DPP6: variants seen among roughly 807,000 people sequenced by gnomAD.
The protein encoded by DPP6 is A-type potassium channel modulatory protein DPP6.
In DPP6, 69 loss-of-function variants were observed where a neutral mutation model predicts 122.6. That is an observed-to-expected ratio of 0.56 (90% confidence interval 0.46 to 0.69). The LOEUF (loss-of-function observed/expected upper bound fraction) is 0.69, where lower values mean the gene tolerates loss of function less well. Ranked by LOEUF, DPP6 falls within the 30% of genes least tolerant of loss-of-function variation. The pLI, the probability that DPP6 is intolerant of heterozygous loss-of-function variation, is 0.00. For synonymous variants in DPP6, 418 were observed against 433.1 expected, an observed-to-expected ratio of 0.97 and a Z score of 0.43; for missense variants, 928 against 1,116.9, an observed-to-expected ratio of 0.83 and a Z score of 2.41.
chr7:154,298,136 C>T (rs1218200700), intron 1 of DPP6, among the ~76,000 whole-genome samples: 2 of 152,130 alleles, frequency 1.3e-5, no homozygotes, highest in Non-Finnish European at 2.9e-5. Context: ...AGGATTCTGC[C>T]TCCAGACAGC....
intron 1 of DPP6, among the ~76,000 whole-genome samples, chr7:154,207,886 C>A (rs1310908254): frequency 1.3e-5 from 2 of 150,924 alleles, no homozygotes; most frequent in Non-Finnish European, 2.9e-5. Context: ...ACCTGGGAGG[C>A]AGAGGTTGCA....
chr7:154,340,337 A>G (rs1340284801), intron 1 of DPP6, among the ~76,000 whole-genome samples: 1 of 152,246 alleles, frequency 6.6e-6, no homozygotes, highest in Non-Finnish European at 1.5e-5. Flanking sequence ...ACAATGAAAT[A>G]AATCCAAAAT....
intron 10 of DPP6, among the ~76,000 whole-genome samples, chr7:154,774,140 G>T (rs1796424824): frequency 6.6e-6 from 1 of 152,132 alleles, no homozygotes; most frequent in African/African-American, 2.4e-5. Flanking sequence ...ACATAGGAGG[G>T]CCTGTGGCTC....
chr7:153,843,143 C>T, the DPP6 span, among the ~76,000 whole-genome samples: 1 of 151,954 alleles, frequency 6.6e-6, no homozygotes, highest in African/African-American at 2.4e-5. Context: ...TGCATACAGA[C>T]ACGTGCATGC....
At chr7:154,834,296 C>A (rs553621805) in intron 16 of DPP6, among the ~76,000 whole-genome samples, 2 of 135,520 alleles carry the variant, frequency 1.5e-5, no homozygotes, top group East Asian at 4.5e-4. Context: ...GGTGAAACCT[C>A]GTCTCTACTA....
At chr7:154,533,359 G>A (rs1242745827) in intron 3 of DPP6, among the ~76,000 whole-genome samples, 1 of 152,150 alleles carries the variant, frequency 6.6e-6, no homozygotes, top group East Asian at 1.9e-4. Flanking sequence ...ATCATCAAAT[G>A]ACTCCTATTT....
At chr7:153,936,684 G>T (rs979465880) in intron 1 of DPP6, among the ~76,000 whole-genome samples, 1 of 151,946 alleles carries the variant, frequency 6.6e-6, no homozygotes, top group South Asian at 2.1e-4. Context: ...GGTGGTGGGC[G>T]CCTGTGGTCC....
intron 18 of DPP6, among the ~76,000 whole-genome samples, chr7:154,869,663 C>T (rs1303925577): frequency 2.6e-5 from 4 of 152,202 alleles, no homozygotes; most frequent in Non-Finnish European, 4.4e-5. Context: ...GACCCTCACT[C>T]GCCTGTGCTC....
intron 4 of DPP6, among the ~76,000 whole-genome samples, chr7:154,558,494 T>G (rs1830198294): frequency 6.6e-6 from 1 of 152,236 alleles, no homozygotes; most frequent in Non-Finnish European, 1.5e-5. Context: ...TGTCACATAA[T>G]GGCATCTTAG....
intron 1 of DPP6, among the ~76,000 whole-genome samples, chr7:154,128,821 G>A (rs1019197238): frequency 5.3e-5 from 8 of 149,812 alleles, no homozygotes; most frequent in African/African-American, 1.9e-4. Context: ...GATTGTTACT[G>A]CTGGGTCTTC....
intron 1 of DPP6, among the ~76,000 whole-genome samples, chr7:154,399,906 A>C (rs1396708024): frequency 2.0e-5 from 3 of 152,192 alleles, no homozygotes; most frequent in African/African-American, 7.2e-5. Flanking sequence ...CAATTTACTG[A>C]AATATGTATA....
At chr7:154,626,459 T>G (rs1307064140) in intron 5 of DPP6, among the ~76,000 whole-genome samples, 2 of 152,154 alleles carry the variant, frequency 1.3e-5, no homozygotes, top group Non-Finnish European at 2.9e-5. Context: ...AACGACTCAT[T>G]GCAAAAAGAA....
intron 8 of DPP6, among the ~76,000 whole-genome samples, chr7:154,753,931 G>A (rs1229546651): frequency 1.3e-5 from 2 of 152,164 alleles, no homozygotes; most frequent in African/African-American, 4.8e-5. Flanking sequence ...CAAGTTGAAA[G>A]GCCGGCTCTT....
chr7:154,565,930 T>G (rs1830718096), intron 4 of DPP6, among the ~76,000 whole-genome samples: 1 of 151,678 alleles, frequency 6.6e-6, no homozygotes, highest in Non-Finnish European at 1.5e-5. Flanking sequence ...GCTCTGGGGG[T>G]GGGTGTGGGT....
At chr7:154,748,767 G>A (rs1241477256) in intron 8 of DPP6, among the ~76,000 whole-genome samples, 1 of 152,178 alleles carries the variant, frequency 6.6e-6, no homozygotes, top group Non-Finnish European at 1.5e-5. Context: ...TGGATGCGCT[G>A]GTTGGAACGG....
rs1204346874 is a variant in DPP6 at position 154,462,371 on chromosome 7, AG to A, written c.359-12566del. Among the ~76,000 whole-genome samples the A allele has an allele frequency of 3.3e-5, 5 of 152,332 alleles. No homozygotes were observed. The South Asian group carries it at 6.2e-4, about 19-fold the overall frequency. On this transcript the variant is annotated intron_variant, in intron 2 of 25. Transcript: ENST00000377770. ...TCTTTTGTGATTCCATGTAAATTTT[AG>A]GATAGTTATTTCTATTTTTGTGAAG...
intron 1 of DPP6, among the ~76,000 whole-genome samples, chr7:154,358,169 G>C (rs1198104263): frequency 6.6e-6 from 1 of 152,112 alleles, no homozygotes; most frequent in Admixed American, 6.5e-5. Context: ...GTAAATGTTT[G>C]TATGTCAGCT....
At chr7:153,823,823 T>G in the DPP6 span, among the ~76,000 whole-genome samples, 4 of 152,088 alleles carry the variant, frequency 2.6e-5, no homozygotes, top group South Asian at 8.3e-4. Flanking sequence ...TGAGAAATAA[T>G]TATGTCTGTT....
At chr7:154,310,313 G>A (rs1430682409) in intron 1 of DPP6, among the ~76,000 whole-genome samples, 6 of 152,222 alleles carry the variant, frequency 3.9e-5, no homozygotes, top group Non-Finnish European at 7.3e-5. Flanking sequence ...AACTAGCCTG[G>A]AGGCGGCATG....
Sources: gnomAD v4.1 joint callset for allele counts (sites outside exome capture counted in the v4.1 genomes callset) on GRCh38, gnomAD v4.1.1 for gene constraint, MANE v1.5 for transcripts, NCBI Gene and HGNC (gene_info 2026-07-23, HGNC 2026-07-21) for gene names.